The following ABI3BP variants were observed in gnomAD, a reference collection of about 807,000 sequenced individuals.
The protein encoded by ABI3BP is target of Nesh-SH3.
A neutral mutation model predicts 268.6 loss-of-function variants in ABI3BP; 216 were observed. The observed-to-expected ratio is 0.80, with a 90% CI of 0.72 to 0.90. ABI3BP has a LOEUF of 0.90. Ranked by LOEUF, ABI3BP falls within the 40% of genes least tolerant of loss-of-function variation. ABI3BP has a pLI of 0.00. For synonymous variants in ABI3BP, 730 were observed against 730.0 expected (o/e 1.00, Z 0.00); for missense variants, 2,090 against 2,182.4 (o/e 0.96, Z 0.84).
At chr3:100,835,277 G>A (rs1298978959) in intron 28 of ABI3BP, among the ~76,000 whole-genome samples, 3 of 152,158 alleles carry the variant, frequency 2.0e-5, no homozygotes, top group African/African-American at 7.2e-5. Context: ...ATATTTATCA[G>A]GCAGACATTC....
chr3:100,855,809 C>A (rs1049205028), intron 14 of ABI3BP, among the ~76,000 whole-genome samples: 2 of 152,112 alleles, frequency 1.3e-5, no homozygotes, highest in Non-Finnish European at 2.9e-5. Flanking sequence ...CAGCAAGTAG[C>A]TAGAGGAGAA....
In ABI3BP at chr3:100,876,528, TA is replaced by T. The variant is rs753423156; in HGVS notation, c.728del (p.Ile243LysfsTer7). ...ACAAATTACCTTGCTTGATGATTGT[TA>T]TTGGGATTAGTTTCCTTGGGACATA... ...PAYVPRKLIPITIIKQVIQNV... is the reference protein window; with the variant it reads ...PAYVPRKLIPXTIIKQVIQNV... On this transcript the variant is annotated frameshift_variant, in exon 7 of 68. Transcript: ENST00000471714. LOFTEE classifies it high-confidence loss of function. 9.9e-5 allele frequency: 160 copies of T among 1,613,342 alleles called. No homozygotes were observed. The highest frequency in any genetic ancestry group is 1.7e-5 in the Non-Finnish European group (20 of 1,179,574).
chr3:100,865,999 C>T (rs894388678), intron 10 of ABI3BP, among the ~76,000 whole-genome samples: 4 of 152,202 alleles, frequency 2.6e-5, no homozygotes, highest in African/African-American at 9.7e-5. Context: ...TCACCTTGCT[C>T]TCTCAGACAT....
chr3:100,982,641 C>G (rs1442169784), intron 1 of ABI3BP, among the ~76,000 whole-genome samples: 2 of 152,000 alleles, frequency 1.3e-5, no homozygotes, highest in African/African-American at 2.4e-5. Context: ...CATAACAAAA[C>G]TACAAATTAG....
chr3:100,789,999 T>C (rs1401003712), intron 55 of ABI3BP, among the ~76,000 whole-genome samples: 1 of 152,018 alleles, frequency 6.6e-6, no homozygotes, highest in East Asian at 1.9e-4. Flanking sequence ...ATATGGTCTC[T>C]ATCAAATGGT....
intron 61 of ABI3BP, among the ~76,000 whole-genome samples, chr3:100,771,471 T>C (rs2096543455): frequency 6.6e-6 from 1 of 152,052 alleles, no homozygotes; most frequent in Non-Finnish European, 1.5e-5. Context: ...AAATCAATCA[T>C]TTGAAACCAA....
At chr3:100,801,639 T>C (rs1189234528) in intron 51 of ABI3BP, among the ~76,000 whole-genome samples, 1 of 152,082 alleles carries the variant, frequency 6.6e-6, no homozygotes, top group Non-Finnish European at 1.5e-5. Flanking sequence ...ATTCTCATAT[T>C]TGAGAAGACA....
chr3:100,993,213 C>G (rs1332639518), intron 1 of ABI3BP, 93 bp downstream of exon 1: 1 of 895,124 alleles, frequency 1.1e-6, no homozygotes, highest in East Asian at 2.8e-5. Flanking sequence ...TCTATTCCCC[C>G]CGTATGGTAA....
At chr3:100,898,131 T>C (rs1259631125) in intron 4 of ABI3BP, among the ~76,000 whole-genome samples, 2 of 152,144 alleles carry the variant, frequency 1.3e-5, no homozygotes, top group Non-Finnish European at 2.9e-5. Flanking sequence ...CCAAAGAAAA[T>C]GGTAGCTTCA....
intron 32 of ABI3BP, among the ~76,000 whole-genome samples, chr3:100,830,102 CATACATACATATATATAT>C (rs1232131969): frequency 7.1e-5 from 4 of 56,208 alleles, no homozygotes; most frequent in African/African-American, 3.3e-4. Context: ...TACATACATA[CATACATACATATATATAT>C]ATATATATAT....
At chr3:100,922,562 TGGC>T (rs1156905274) in intron 2 of ABI3BP, among the ~76,000 whole-genome samples, 1 of 151,838 alleles carries the variant, frequency 6.6e-6, no homozygotes, top group East Asian at 1.9e-4. Flanking sequence ...GTGATGGCGA[TGGC>T]GATGGCGATG....
At chr3:100,955,602 G>T (rs906562054) in intron 1 of ABI3BP, among the ~76,000 whole-genome samples, 3 of 152,016 alleles carry the variant, frequency 2.0e-5, no homozygotes, top group African/African-American at 4.8e-5. Context: ...CTTCTAATTA[G>T]AATTCTACCA....
intron 61 of ABI3BP, among the ~76,000 whole-genome samples, chr3:100,774,218 C>T (rs900234): frequency 0.75 from 113,635 of 152,064 alleles, 43,619 homozygotes; most frequent in East Asian, 0.98. Flanking sequence ...GGCCAATGGA[C>T]ATTGGTAGAT....
intron 62 of ABI3BP, among the ~76,000 whole-genome samples, chr3:100,767,294 T>C (rs964429953): frequency 6.6e-6 from 1 of 152,196 alleles, no homozygotes; most frequent in Admixed American, 6.5e-5. Flanking sequence ...GGATGATTTT[T>C]TCTGAACAAT....
chr3:100,973,134 G>T (rs559702284), intron 1 of ABI3BP, among the ~76,000 whole-genome samples: 12 of 152,326 alleles, frequency 7.9e-5, no homozygotes, highest in African/African-American at 2.9e-4. Context: ...CAAGAAGGCT[G>T]TGATGTGCCT....
chr3:100,928,463 G>C (rs1241819099), intron 1 of ABI3BP, among the ~76,000 whole-genome samples: 2 of 152,024 alleles, frequency 1.3e-5, no homozygotes, highest in Admixed American at 1.3e-4. Context: ...TAGAACCACA[G>C]AAAATGTTCA....
intron 55 of ABI3BP, among the ~76,000 whole-genome samples, chr3:100,791,972 G>T (rs2097207755): frequency 6.6e-6 from 1 of 151,684 alleles, no homozygotes; most frequent in African/African-American, 2.4e-5. Flanking sequence ...GCTGGTTTTG[G>T]TCTTATTTTT....
chr3:100,778,286 G>A lies in ABI3BP; in HGVS notation c.4331C>T (p.Ala1444Val). ...PNNVTGKPGS[A>V]GIISSGPITT... ...AGGAAGGTACATGACTAACGTACCT[G>A]CACTTCCTGGCTTTCCAGTGACATT... Residue 1444 changes from alanine to valine, a missense_variant and splice_region_variant, in exon 59 of 68, where the codon GCA becomes GTA. By Grantham distance (64) the Ala-to-Val change is moderately conservative (BLOSUM62 0). Coordinates refer to ENST00000471714, the MANE Select transcript of ABI3BP (RefSeq NM_001375547.2). The A allele has an allele frequency of 6.2e-7, 1 of 1,613,474 alleles. No individual in the cohort carries two copies. The highest frequency in any genetic ancestry group is 8.5e-7 in the Non-Finnish European group (1 of 1,179,622).
At chr3:100,954,640 T>C (rs1050038628) in intron 1 of ABI3BP, among the ~76,000 whole-genome samples, 6 of 152,158 alleles carry the variant, frequency 3.9e-5, no homozygotes, top group African/African-American at 1.4e-4. Flanking sequence ...CAAAAACAGG[T>C]GGAATGAGAC....
Sources: allele counts gnomAD v4.1 joint callset (sites outside exome capture counted in the v4.1 genomes callset), GRCh38; gene constraint gnomAD v4.1.1; transcripts MANE v1.5; gene names NCBI Gene and HGNC (gene_info 2026-07-23, HGNC 2026-07-21).